Variants in DYM observed in about 807,000 individuals in gnomAD.
DYM encodes the protein dymeclin, also known as dyggve-Melchior-Clausen syndrome protein.
Under a neutral mutation model 93.1 loss-of-function variants are expected in DYM, and 78 were observed. The observed-to-expected ratio is 0.84, with a 90% CI of 0.70 to 1.01. DYM has a LOEUF of 1.01. Ranked by LOEUF, DYM falls within the 50% of genes least tolerant of loss-of-function variation. The probability of loss-of-function intolerance (pLI) is 0.00; values close to 1 mark genes in which losing one functional copy is unlikely to be tolerated. For synonymous variants in DYM, 321 were observed against 319.7 expected (o/e 1.00, Z -0.04); for missense variants, 789 against 845.0 (o/e 0.93, Z 0.82).
intron 5 of DYM, among the ~76,000 whole-genome samples, chr18:49,365,269 G>A (rs542441518): frequency 1.8e-4 from 28 of 152,212 alleles, no homozygotes; most frequent in Middle Eastern, 3.4e-3. Context: ...CAGTAACCCC[G>A]TGAGAGGTAA....
chr18:49,142,131 G>T (rs1177924755), intron 15 of DYM, among the ~76,000 whole-genome samples: 1 of 152,084 alleles, frequency 6.6e-6, no homozygotes, highest in Non-Finnish European at 1.5e-5. Flanking sequence ...AAAGTGCTGG[G>T]ATTACAGGTG....
At chr18:49,050,080 CTTTTTTTT>C (rs555098372) in intron 17 of DYM, among the ~76,000 whole-genome samples, 11 of 106,938 alleles carry the variant, frequency 1.0e-4, no homozygotes, top group African/African-American at 4.2e-4. Context: ...AGGTAACTTC[CTTTTTTTT>C]TTTTTTTTTT....
chr18:49,257,648 A>C (rs1255036714), intron 12 of DYM, among the ~76,000 whole-genome samples: 1 of 151,342 alleles, frequency 6.6e-6, no homozygotes, highest in Non-Finnish European at 1.5e-5. Context: ...CCAATTCAAG[A>C]CCAGCCTGGG....
intron 1 of DYM, among the ~76,000 whole-genome samples, chr18:49,436,049 G>A (rs141890573): frequency 0.011 from 1,656 of 152,206 alleles, 29 homozygotes; most frequent in African/African-American, 0.038. Flanking sequence ...GTCTCACTCT[G>A]TCACCCACAC....
At chr18:49,317,280 G>A (rs2062004373) in intron 8 of DYM, among the ~76,000 whole-genome samples, 1 of 152,182 alleles carries the variant, frequency 6.6e-6, no homozygotes, top group South Asian at 2.1e-4. Flanking sequence ...CAACCATAAA[G>A]AGAATGATAG....
chr18:49,159,503 T>A (rs929592529), intron 15 of DYM, among the ~76,000 whole-genome samples: 2 of 152,242 alleles, frequency 1.3e-5, no homozygotes, highest in African/African-American at 4.8e-5. Context: ...GAATTCCATA[T>A]AGAATGATAA....
rs373559408 is a variant in DYM at position 49,385,332 on chromosome 18, A to G, written c.194-5574T>C. Among the ~76,000 whole-genome samples the G allele has an allele frequency of 4.5e-4, 68 of 152,316 alleles. 1 individual carries two copies. The South Asian group carries it at 0.013, about 30-fold the overall frequency. The stretch of plus-strand genomic sequence containing the variant: ...AAACAACTGACCTGGCTCTCACCAC[A>G]TCATCCTAGTGGGTTAAGAACTAGG... On this transcript the variant is annotated intron_variant, in intron 3 of 17. Transcript: ENST00000675505.
At chr18:49,385,388 C>T (rs1405170983) in intron 3 of DYM, among the ~76,000 whole-genome samples, 2 of 152,168 alleles carry the variant, frequency 1.3e-5, no homozygotes, top group Non-Finnish European at 2.9e-5. Context: ...GTCTTATTTA[C>T]TGTGAAGTAT....
In DYM at chr18:49,102,074, T is replaced by A. The variant is rs553648890; in HGVS notation, c.1912-4559A>T. 3.3e-5 allele frequency among the ~76,000 whole-genome samples: 5 copies of A among 152,308 alleles called. No homozygotes were observed. The East Asian group carries it at 5.8e-4, about 18-fold the overall frequency. On this transcript the variant is annotated intron_variant, in intron 16 of 17. Coordinates refer to ENST00000675505, the MANE Select transcript of DYM (RefSeq NM_001353214.3). ...TTAAATCCCACCTCTTCTTATAATA[T>A]CTTCAAAGTGACAAAGTTGCAGCAT...
chr18:49,065,560 C>T (rs139743712), intron 17 of DYM, among the ~76,000 whole-genome samples: 1,708 of 152,202 alleles, frequency 0.011, 14 homozygotes, highest in Middle Eastern at 0.027. Flanking sequence ...CAGGGTTTCT[C>T]CATATTGGTC....
chr18:49,261,524 G>A (rs985341189), intron 11 of DYM, among the ~76,000 whole-genome samples: 2 of 152,148 alleles, frequency 1.3e-5, no homozygotes, highest in African/African-American at 4.8e-5. Flanking sequence ...TTAGCCAGGC[G>A]AGGTGGCGTG....
chr18:49,085,324 T>C (rs1287449669), intron 17 of DYM, among the ~76,000 whole-genome samples: 1 of 152,222 alleles, frequency 6.6e-6, no homozygotes, highest in Non-Finnish European at 1.5e-5. Context: ...ATATTTTAAA[T>C]CTAATAGGGT....
intron 17 of DYM, among the ~76,000 whole-genome samples, chr18:49,066,999 A>G (rs190076991): frequency 4.5e-4 from 69 of 152,336 alleles, no homozygotes; most frequent in African/African-American, 1.6e-3. Flanking sequence ...CAGGTGTTAC[A>G]ACCGAGTTTG....
intron 8 of DYM, among the ~76,000 whole-genome samples, chr18:49,304,746 C>G (rs1444428446): frequency 6.6e-6 from 1 of 152,116 alleles, no homozygotes; most frequent in African/African-American, 2.4e-5. Context: ...ACATCACCAT[C>G]ACTCCTGCTC....
chr18:49,069,040 T>C (rs1261033832), intron 17 of DYM, among the ~76,000 whole-genome samples: 1 of 152,240 alleles, frequency 6.6e-6, no homozygotes, highest in Non-Finnish European at 1.5e-5. Context: ...ATAAATTGAT[T>C]ATGGAAGAAG....
chr18:49,079,447 C>T (rs1481803965), intron 17 of DYM, among the ~76,000 whole-genome samples: 1 of 149,500 alleles, frequency 6.7e-6, no homozygotes, highest in Admixed American at 6.7e-5. Flanking sequence ...GGGAGTTTCT[C>T]GCAGAGGGGG....
At chr18:49,287,631 T>A (rs923611127) in intron 8 of DYM, among the ~76,000 whole-genome samples, 1 of 151,928 alleles carries the variant, frequency 6.6e-6, no homozygotes, top group African/African-American at 2.4e-5. Flanking sequence ...ACGCCTGTAA[T>A]CCCAACACTT....
At chr18:49,431,048 T>A (rs2080279091) in intron 1 of DYM, among the ~76,000 whole-genome samples, 1 of 152,116 alleles carries the variant, frequency 6.6e-6, no homozygotes, top group Admixed American at 6.6e-5. Flanking sequence ...TTATAATTAG[T>A]CTGAAAATGA....
chr18:49,270,749 G>C (rs895634020), intron 11 of DYM, among the ~76,000 whole-genome samples: 1 of 152,068 alleles, frequency 6.6e-6, no homozygotes, highest in Non-Finnish European at 1.5e-5. Flanking sequence ...CAATGGTCAA[G>C]ATTCCTTAAA....
Sources: allele counts gnomAD v4.1 joint callset (sites outside exome capture counted in the v4.1 genomes callset), GRCh38; gene constraint gnomAD v4.1.1; transcripts MANE v1.5; gene names NCBI Gene and HGNC (gene_info 2026-07-23, HGNC 2026-07-21).